Variants in CCDC171 observed in about 807,000 individuals in gnomAD.
The protein encoded by CCDC171 is coiled-coil domain containing 171.
CCDC171 carries 177 observed loss-of-function variants against 168.2 expected under a neutral mutation model. That is an observed-to-expected ratio of 1.05 (90% CI 0.93 to 1.19). CCDC171 has a LOEUF of 1.19. CCDC171 is among the 50% of genes most tolerant of loss of function. The pLI, the probability that CCDC171 is intolerant of heterozygous loss-of-function variation, is 0.00. For missense variants in CCDC171, 1,991 were observed against 1,539.0 expected (o/e 1.29, Z -4.91); for synonymous variants, 687 against 540.8 (o/e 1.27, Z -3.75).
Position 15,744,456 on chromosome 9 carries a change from T to A in CCDC171, c.2233T>A (p.Ser745Thr), listed in dbSNP as rs200002370. 3.7e-6 allele frequency: 6 copies of A among 1,614,000 alleles called. No individual in the cohort carries two copies. The South Asian group carries it at 6.6e-5, about 18-fold the overall frequency. The change falls in exon 17 of 26, where the codon TCA becomes ACA. Residue 745 changes from serine (S) to threonine (T), a missense_variant. By Grantham distance (58) the Ser-to-Thr change is moderately conservative. Coordinates refer to ENST00000380701, the MANE Select transcript of CCDC171 (RefSeq NM_173550.4). Reference sequence around the variant, plus strand: ...TGCCTTATATCCCCTCTATAGCCGATCATGCGCCTTGTCTACACAGAGAGA... The same window carrying A: ...TGCCTTATATCCCCTCTATAGCCGAACATGCGCCTTGTCTACACAGAGAGA... ...AGALYPLYSRSCALSTQRDFL... is the reference protein window; with the variant it reads ...AGALYPLYSRTCALSTQRDFL...
At chr9:15,639,333 T>G (rs1187607485) in intron 7 of CCDC171, among the ~76,000 whole-genome samples, 1 of 152,096 alleles carries the variant, frequency 6.6e-6, no homozygotes, top group South Asian at 2.1e-4. Flanking sequence ...TAATAAATTT[T>G]AAGATTGGAA....
chr9:16,095,106 A>G, the CCDC171 span, among the ~76,000 whole-genome samples: 1 of 152,166 alleles, frequency 6.6e-6, no homozygotes, highest in African/African-American at 2.4e-5. Flanking sequence ...CAGAACCATG[A>G]GCCAAATAAA....
At chr9:15,765,556 G>A (rs1161962346) in intron 18 of CCDC171, among the ~76,000 whole-genome samples, 1 of 152,154 alleles carries the variant, frequency 6.6e-6, no homozygotes, top group Non-Finnish European at 1.5e-5. Context: ...GGTAGTAGAT[G>A]TATGTAAAAA....
intron 7 of CCDC171, among the ~76,000 whole-genome samples, chr9:15,642,205 A>G (rs1509311): frequency 0.94 from 141,837 of 150,996 alleles, 66,704 homozygotes; most frequent in East Asian, 1. Flanking sequence ...ATAGTACATA[A>G]TACAGTGTAA....
At chr9:15,568,832 T>A (rs1391930230) in intron 2 of CCDC171, among the ~76,000 whole-genome samples, 1 of 152,204 alleles carries the variant, frequency 6.6e-6, no homozygotes, top group Non-Finnish European at 1.5e-5. Context: ...TGCAAATTTT[T>A]TTTCCCATTC....
intron 1 of CCDC171, among the ~76,000 whole-genome samples, chr9:16,045,304 G>A (rs572910802): frequency 6.6e-6 from 1 of 152,312 alleles, no homozygotes; most frequent in South Asian, 2.1e-4. Context: ...CGTCAAGGTG[G>A]TGGCCACTGT....
chr9:15,964,640 C>T (rs1236817883), intron 25 of CCDC171, among the ~76,000 whole-genome samples: 1 of 151,386 alleles, frequency 6.6e-6, no homozygotes, highest in Non-Finnish European at 1.5e-5. Context: ...CTTTTTCTAA[C>T]CTCAACCACA....
At chr9:15,935,155 G>A (rs1826970730) in intron 25 of CCDC171, among the ~76,000 whole-genome samples, 1 of 152,054 alleles carries the variant, frequency 6.6e-6, no homozygotes, top group African/African-American at 2.4e-5. Context: ...TGCAAAACTA[G>A]TAAATTTTGT....
chr9:15,564,055 A>G lies in CCDC171; in HGVS notation c.-34A>G, dbSNP rs377715431. Reference sequence around the variant, plus strand: ...CAAGAAAGAAATATGTCATTAAGAAATAGCAGGGTATTTTGAAAGAGTTGG... The same window carrying G: ...CAAGAAAGAAATATGTCATTAAGAAGTAGCAGGGTATTTTGAAAGAGTTGG... On this transcript the variant is annotated 5_prime_UTR_variant, in exon 2 of 26. Coordinates refer to ENST00000380701, the MANE Select transcript of CCDC171 (RefSeq NM_173550.4). 8 of 1,541,060 alleles carry G rather than the reference A, an allele frequency of 5.2e-6. No homozygotes were observed. Among genetic ancestry groups the G allele is most frequent in the Non-Finnish European group, 7.1e-6 (8 of 1,120,178 alleles).
At chr9:15,823,055 A>T (rs1008773344) in intron 21 of CCDC171, among the ~76,000 whole-genome samples, 1 of 152,144 alleles carries the variant, frequency 6.6e-6, no homozygotes, top group Non-Finnish European at 1.5e-5. Flanking sequence ...TGAAGCTGGA[A>T]ACCATCATTT....
At chr9:15,824,464 C>T (rs1281280749) in intron 21 of CCDC171, among the ~76,000 whole-genome samples, 1 of 151,814 alleles carries the variant, frequency 6.6e-6, no homozygotes, top group Non-Finnish European at 1.5e-5. Context: ...TCTATTGGTG[C>T]TTTGCTTTTA....
chr9:15,955,637 A>C (rs765252509), intron 25 of CCDC171, among the ~76,000 whole-genome samples: 1 of 152,164 alleles, frequency 6.6e-6, no homozygotes, highest in Non-Finnish European at 1.5e-5. Flanking sequence ...TGGAAGTTGC[A>C]AGCCTTCAAT....
At chr9:15,653,557 A>G (rs556827274) in intron 7 of CCDC171, among the ~76,000 whole-genome samples, 4 of 152,316 alleles carry the variant, frequency 2.6e-5, no homozygotes, top group Admixed American at 6.5e-5. Flanking sequence ...TCACACATAC[A>G]TGAAAGTAGA....
chr9:15,859,984 A>G (rs950268413), intron 23 of CCDC171, among the ~76,000 whole-genome samples: 3 of 140,346 alleles, frequency 2.1e-5, no homozygotes, highest in South Asian at 2.2e-4. Context: ...AAGACTTTCT[A>G]TTTTTTTTTT....
chr9:15,574,777 A>G (rs968351810), intron 3 of CCDC171, among the ~76,000 whole-genome samples: 2 of 152,222 alleles, frequency 1.3e-5, no homozygotes, highest in African/African-American at 4.8e-5. Context: ...AAATATCTTT[A>G]AAGACTTCTG....
chr9:16,101,775 T>A, the CCDC171 span, among the ~76,000 whole-genome samples: 1 of 152,110 alleles, frequency 6.6e-6, no homozygotes, highest in Non-Finnish European at 1.5e-5. Context: ...TAGCCTCCAG[T>A]TGACAGCCAG....
chr9:15,865,384 T>TTATGTG (rs113106328), intron 23 of CCDC171, among the ~76,000 whole-genome samples: 2 of 150,434 alleles, frequency 1.3e-5, no homozygotes, highest in Non-Finnish European at 3.0e-5. Flanking sequence ...TTTGTCATAT[T>TTATGTG]TGTGTGTGTG....
At chr9:15,748,606 C>T (rs1189608842) in intron 18 of CCDC171, among the ~76,000 whole-genome samples, 2 of 152,338 alleles carry the variant, frequency 1.3e-5, no homozygotes, top group South Asian at 2.1e-4. Flanking sequence ...GGAAGCCCAT[C>T]AGACTAACAG....
At position 15,620,086 on chromosome 9, in the gene CCDC171, C is replaced by T. The variant is rs560551887; in HGVS notation, c.676-3181C>T. ...AACAATGCACTTGGTTACTGAAGAG[C>T]GCTGATGGTTATGTACCAGCAAGTT... is the stretch of plus-strand genomic sequence containing the variant. On this transcript the variant is annotated intron_variant, in intron 6 of 25. Transcript: ENST00000380701. Among the ~76,000 whole-genome samples the T allele has an allele frequency of 8.5e-5, 13 of 152,290 alleles. No homozygotes were observed. In the South Asian group the frequency reaches 2.1e-3, roughly 24 times the overall value.
Sources: allele counts gnomAD v4.1 joint callset (sites outside exome capture counted in the v4.1 genomes callset), GRCh38; gene constraint gnomAD v4.1.1; transcripts MANE v1.5; gene names NCBI Gene and HGNC (gene_info 2026-07-23, HGNC 2026-07-21).